The following ARHGAP39 variants were observed in gnomAD, a reference collection of about 807,000 sequenced individuals.
ARHGAP39 encodes rho GTPase-activating protein 39.
In ARHGAP39, 44 loss-of-function variants were observed where a neutral mutation model predicts 106.9. The observed-to-expected ratio is 0.41, with a 90% CI of 0.32 to 0.53. The LOEUF (loss-of-function observed/expected upper bound fraction) is 0.53, where lower values mean the gene tolerates loss of function less well. Among genes scored for constraint, ARHGAP39 ranks in the 20% least tolerant of loss-of-function variants. The pLI is 0.21. For missense variants in ARHGAP39, 1,496 were observed against 1,577.3 expected (o/e 0.95, Z 0.87); for synonymous variants, 768 against 693.2 (o/e 1.11, Z -1.69).
At chr8:144,686,126 C>G (rs950634526), upstream of ARHGAP39, among the ~76,000 whole-genome samples, 2 of 152,034 alleles carry the variant, frequency 1.3e-5, no homozygotes, top group Non-Finnish European at 2.9e-5. Flanking sequence ...CAGTTACCAT[C>G]TGACACGTCT....
intron 2 of ARHGAP39, among the ~76,000 whole-genome samples, chr8:144,587,798 G>A (rs1337359526): frequency 6.6e-6 from 1 of 152,174 alleles, no homozygotes; most frequent in Non-Finnish European, 1.5e-5. Context: ...GGGATTACAG[G>A]CACGTGCCAC....
intron 7 of ARHGAP39, among the ~76,000 whole-genome samples, chr8:144,535,946 C>CAGA (rs1250825141): frequency 6.6e-6 from 1 of 152,336 alleles, no homozygotes; most frequent in East Asian, 1.9e-4. Context: ...CACACTACTT[C>CAGA]ACCTGCAACT....
intron 4 of ARHGAP39, among the ~76,000 whole-genome samples, chr8:144,554,795 A>G (rs1054725635): frequency 6.6e-6 from 1 of 152,202 alleles, no homozygotes; most frequent in African/African-American, 2.4e-5. Flanking sequence ...CCACAACCCT[A>G]ATGTTCAACA....
At chr8:144,699,121 C>A in the ARHGAP39 span, 1 of 308,658 alleles carries the variant, frequency 3.2e-6, no homozygotes, top group East Asian at 1.1e-4. Flanking sequence ...AGGCGCTGGG[C>A]GATGCAGGGG....
chr8:144,593,895 T>G (rs1373381772), intron 2 of ARHGAP39, among the ~76,000 whole-genome samples: 1 of 151,926 alleles, frequency 6.6e-6, no homozygotes, highest in Non-Finnish European at 1.5e-5. Flanking sequence ...TCAAGACCAG[T>G]TTGGCCAACA....
rs1261940796 is a variant in ARHGAP39, at chr8:144,591,213, C to T, written c.81-9936G>A. ...ATACACCTCCTCTCCCCAGCCGGAG[C>T]CTGGACCCCAATGGACAGCTGCTCT... On this transcript the variant is annotated intron_variant, in intron 2 of 11. Coordinates refer to ENST00000377307, the MANE Select transcript of ARHGAP39 (RefSeq NM_025251.3). The surrounding 1 kb of genome is among the most constrained non-coding windows in gnomAD (Gnocchi z 5.3). Among the ~76,000 whole-genome samples the T allele has an allele frequency of 6.6e-6, 1 of 152,196 alleles. No homozygotes were observed. The highest frequency in any genetic ancestry group is 2.4e-5 in the African/African-American group (1 of 41,452).
chr8:144,663,040 T>C (rs1821874042), intron 1 of ARHGAP39, among the ~76,000 whole-genome samples: 1 of 146,662 alleles, frequency 6.8e-6, no homozygotes, highest in African/African-American at 2.5e-5. Flanking sequence ...ACCTCCCCAT[T>C]ATCCATCTTG....
At chr8:144,605,508 A>C (rs1563703730) in intron 2 of ARHGAP39, 27 bp downstream of exon 2, 1 of 1,613,040 alleles carries the variant, frequency 6.2e-7, no homozygotes, top group Admixed American at 1.7e-5. Context: ...AGGCCCGGGC[A>C]GCTCCGCAGG....
intron 1 of ARHGAP39, among the ~76,000 whole-genome samples, chr8:144,613,739 T>A (rs984204102): frequency 1.3e-5 from 2 of 152,174 alleles, no homozygotes; most frequent in African/African-American, 4.8e-5. Context: ...GATGGTCAGA[T>A]CATGTGACAT....
At position 144,644,634 on chromosome 8, in the gene ARHGAP39, T is replaced by C. The variant is rs1215203053; in HGVS notation, c.-81-38939A>G. Among the ~76,000 whole-genome samples the C allele has an allele frequency of 6.6e-6, 1 of 152,236 alleles. No individual in the cohort carries two copies. Among genetic ancestry groups the C allele is most frequent in the African/African-American group, 2.4e-5 (1 of 41,462 alleles). ...CATGCATTTCTGAGCTCTGAGTCAC[T>C]TGAAGCGGCATCCGAGGCCTTCTCT... On this transcript the variant is annotated intron_variant, in intron 1 of 11. Transcript: ENST00000377307. The surrounding 1 kb of genome is among the most constrained non-coding windows in gnomAD (Gnocchi z 4.8).
chr8:144,652,635 T>G lies in ARHGAP39; in HGVS notation c.-82+33051A>C, dbSNP rs181166164. ...GAACATGGATGGAGCTGGAGGCTAT[T>G]CTCCTTAGCAAACTAACACAGGAAC... On this transcript the variant is annotated intron_variant, in intron 1 of 11. Transcript: ENST00000377307. Among the ~76,000 whole-genome samples, 98 of 152,280 alleles carry G rather than the reference T, an allele frequency of 6.4e-4. 1 individual carries two copies. Among genetic ancestry groups the G allele is most frequent in the Admixed American group, 1.2e-3 (19 of 15,296 alleles).
Position 144,588,367 on chromosome 8 carries a change from G to A in ARHGAP39, c.81-7090C>T, listed in dbSNP as rs1273042452. Among the ~76,000 whole-genome samples the A allele has an allele frequency of 5.3e-5, 8 of 152,268 alleles. No homozygotes were observed. In the South Asian group the frequency reaches 8.3e-4, roughly 16 times the overall value. The stretch of plus-strand genomic sequence containing the variant: ...TGCCAGAGGCTGACTGCCCGGTGGG[G>A]CACATCATGAGCCTGCACCTCCTCG... On this transcript the variant is annotated intron_variant, in intron 2 of 11. Transcript: ENST00000377307.
Position 144,581,475 on chromosome 8 carries a change from C to T in ARHGAP39, c.81-198G>A, listed in dbSNP as rs146937894. On this transcript the variant is annotated intron_variant, in intron 2 of 11. Coordinates refer to ENST00000377307, the MANE Select transcript of ARHGAP39 (RefSeq NM_025251.3). ...CCGGGGAAGCCCCCGGAGCCGCCAG[C>T]GCCTCAGGGTGGTGCAGCCCTTTGG... Among the ~76,000 whole-genome samples the T allele has an allele frequency of 5.0e-3, 766 of 152,374 alleles. 4 individuals carry two copies. Among genetic ancestry groups the T allele is most frequent in the African/African-American group, 0.012 (503 of 41,594 alleles).
intron 1 of ARHGAP39, among the ~76,000 whole-genome samples, chr8:144,639,065 G>A (rs1434086450): frequency 1.3e-5 from 2 of 152,166 alleles, no homozygotes; most frequent in East Asian, 1.9e-4. Context: ...GGTGGCTCAC[G>A]CCTGTAATCC....
chr8:144,539,049 C>T (rs1445711870), intron 6 of ARHGAP39, among the ~76,000 whole-genome samples: 1 of 152,038 alleles, frequency 6.6e-6, no homozygotes, highest in Non-Finnish European at 1.5e-5. Context: ...ATATGCCCCG[C>T]ACCAGCCCTG....
At chr8:144,537,671 A>G (rs749476982) in intron 7 of ARHGAP39, 50 bp downstream of exon 7, 4 of 1,520,722 alleles carry the variant, frequency 2.6e-6, no homozygotes, top group Non-Finnish European at 2.7e-6. Context: ...GAGGCTGGAG[A>G]GCAGAGCTGT....
At chr8:144,651,736 A>G (rs1240830016) in intron 1 of ARHGAP39, among the ~76,000 whole-genome samples, 2 of 152,216 alleles carry the variant, frequency 1.3e-5, no homozygotes, top group African/African-American at 4.8e-5. Context: ...ACATACATTC[A>G]TATGGGACCA....
At chr8:144,688,142 C>T (rs1822671043), upstream of ARHGAP39, among the ~76,000 whole-genome samples, 1 of 146,260 alleles carries the variant, frequency 6.8e-6, no homozygotes, top group Non-Finnish European at 1.5e-5. Context: ...CTTGCTGTGT[C>T]ACCTAGGCTG....
intron 2 of ARHGAP39, among the ~76,000 whole-genome samples, chr8:144,598,349 G>C (rs1271591922): frequency 6.6e-6 from 1 of 152,216 alleles, no homozygotes; most frequent in Non-Finnish European, 1.5e-5. Context: ...TCAGCTGTGG[G>C]TGTCAGTGGA....
Sources: gnomAD v4.1 joint callset for allele counts (sites outside exome capture counted in the v4.1 genomes callset) on GRCh38, gnomAD v4.1.1 for gene constraint, Gnocchi (gnomAD v3.1) non-coding constraint, MANE v1.5 for transcripts, NCBI Gene and HGNC (gene_info 2026-07-23, HGNC 2026-07-21) for gene names.